COL24A1: variants seen among roughly 807,000 people sequenced by gnomAD.
COL24A1 encodes collagen alpha-1(XXIV) chain.
In COL24A1, 224 loss-of-function variants were observed where a neutral mutation model predicts 253.9. The ratio of observed to expected loss-of-function variants is 0.88; its 90% CI spans 0.79 to 0.99. The LOEUF (loss-of-function observed/expected upper bound fraction) is 0.99, where lower values mean the gene tolerates loss of function less well. Ranked by LOEUF, COL24A1 falls within the 50% of genes least tolerant of loss-of-function variation. The pLI, the probability that COL24A1 is intolerant of heterozygous loss-of-function variation, is 0.00. For missense variants in COL24A1, 2,131 were observed against 2,068.5 expected (o/e 1.03, Z -0.59); for synonymous variants, 685 against 673.7 (o/e 1.02, Z -0.26).
intron 14 of COL24A1, among the ~76,000 whole-genome samples, chr1:86,024,802 G>C (rs1377270689): frequency 6.6e-6 from 1 of 152,086 alleles, no homozygotes; most frequent in Non-Finnish European, 1.5e-5. Context: ...AGTAATCCAA[G>C]TAAGTATGGA....
At chr1:86,110,373 TTATC>T (rs904668128) in intron 5 of COL24A1, among the ~76,000 whole-genome samples, 1 of 152,026 alleles carries the variant, frequency 6.6e-6, no homozygotes, top group African/African-American at 2.4e-5. Flanking sequence ...TATCACACTG[TTATC>T]TATCATATTG....
chr1:86,118,033 T>TA (rs1706316558), intron 3 of COL24A1, among the ~76,000 whole-genome samples: 1 of 151,552 alleles, frequency 6.6e-6, no homozygotes, highest in African/African-American at 2.4e-5. Flanking sequence ...TTGGCAGTGA[T>TA]AGTAGTTAAC....
At chr1:86,061,087 T>C (rs905529190) in intron 8 of COL24A1, among the ~76,000 whole-genome samples, 3 of 151,988 alleles carry the variant, frequency 2.0e-5, no homozygotes, top group Non-Finnish European at 2.9e-5. Flanking sequence ...GGAGGATACT[T>C]AGCTAATAAG....
chr1:86,017,214 G>C lies in COL24A1; in HGVS notation c.2257-10C>G, dbSNP rs200474145. On this transcript the variant is annotated splice_polypyrimidine_tract_variant and intron_variant, in intron 18 of 59. Coordinates refer to ENST00000370571, the MANE Select transcript of COL24A1 (RefSeq NM_152890.7). Reference sequence around the variant, plus strand: ...GGTCACCTGTTTGGCCCTAAAATGGGGGGGGAGGATCAAAGTATAAACATA... The same window carrying C: ...GGTCACCTGTTTGGCCCTAAAATGGCGGGGGAGGATCAAAGTATAAACATA... 37 of 1,553,780 alleles carry C rather than the reference G, an allele frequency of 2.4e-5. No individual in the cohort carries two copies. The highest frequency in any genetic ancestry group is 5.7e-5 in the African/African-American group (4 of 69,668).
At chr1:85,840,330 A>AG (rs1289580722) in intron 42 of COL24A1, among the ~76,000 whole-genome samples, 1 of 152,178 alleles carries the variant, frequency 6.6e-6, no homozygotes, top group African/African-American at 2.4e-5. Flanking sequence ...TATTTAATAA[A>AG]GAAACTTACA....
chr1:85,872,837 T>C (rs1247444465), intron 35 of COL24A1, among the ~76,000 whole-genome samples: 2 of 151,968 alleles, frequency 1.3e-5, no homozygotes, highest in Non-Finnish European at 2.9e-5. Flanking sequence ...AATTGACAAA[T>C]GGGATCTAAT....
At chr1:86,116,402 A>G (rs1276543366) in intron 3 of COL24A1, among the ~76,000 whole-genome samples, 1 of 152,224 alleles carries the variant, frequency 6.6e-6, no homozygotes, top group East Asian at 1.9e-4. Flanking sequence ...CTGATTGCAC[A>G]TAAAATAAAG....
chr1:85,883,198 CATTTT>C (rs1324968312), intron 32 of COL24A1, among the ~76,000 whole-genome samples: 11 of 151,006 alleles, frequency 7.3e-5, no homozygotes, highest in African/African-American at 9.7e-5. Flanking sequence ...TTTGGCTTCT[CATTTT>C]ATTTTATTTT....
At chr1:86,026,349 CT>C (rs1441942499) in intron 14 of COL24A1, among the ~76,000 whole-genome samples, 3 of 152,170 alleles carry the variant, frequency 2.0e-5, no homozygotes, top group Non-Finnish European at 2.9e-5. Flanking sequence ...AAAATTTCAT[CT>C]GAATTGTAGT....
intron 47 of COL24A1, among the ~76,000 whole-genome samples, chr1:85,799,021 AT>A (rs1201303684): frequency 7.2e-5 from 11 of 152,128 alleles, no homozygotes; most frequent in Admixed American, 4.6e-4. Flanking sequence ...TGAAAACATC[AT>A]GGTAGACTCA....
intron 2 of COL24A1, among the ~76,000 whole-genome samples, chr1:86,130,699 C>A (rs908092944): frequency 4.0e-5 from 6 of 151,774 alleles, no homozygotes; most frequent in Non-Finnish European, 5.9e-5. Context: ...ATCTAATTTA[C>A]CAACTGTAAA....
chr1:85,867,745 G>A (rs1679957076), intron 37 of COL24A1, among the ~76,000 whole-genome samples: 1 of 151,816 alleles, frequency 6.6e-6, no homozygotes, highest in African/African-American at 2.4e-5. Flanking sequence ...CTCTCAGTCT[G>A]TCTCTCTCTC....
intron 13 of COL24A1, among the ~76,000 whole-genome samples, chr1:86,033,364 G>A (rs946243206): frequency 4.6e-5 from 7 of 151,892 alleles, no homozygotes; most frequent in Non-Finnish European, 8.8e-5. Flanking sequence ...TCTACCTAGC[G>A]CCAAAAAATA....
chr1:85,816,653 A>T (rs1673070961), intron 47 of COL24A1, 135 bp downstream of exon 47: 1 of 687,034 alleles, frequency 1.5e-6, no homozygotes, highest in Non-Finnish European at 2.6e-6. Flanking sequence ...ACAACTGCAT[A>T]ATAGCTATTA....
intron 28 of COL24A1, among the ~76,000 whole-genome samples, chr1:85,905,152 C>T (rs188687379): frequency 1.6e-4 from 25 of 152,236 alleles, no homozygotes; most frequent in South Asian, 1.4e-3. Flanking sequence ...TGCTATGACA[C>T]GTATTTTCCA....
At chr1:86,085,313 C>T (rs148830877) in intron 7 of COL24A1, among the ~76,000 whole-genome samples, 1 of 152,120 alleles carries the variant, frequency 6.6e-6, no homozygotes. Flanking sequence ...TGAACAAATT[C>T]TCTCAAAATA....
chr1:85,739,221 A>T (rs1664359500), intron 57 of COL24A1, among the ~76,000 whole-genome samples: 1 of 152,224 alleles, frequency 6.6e-6, no homozygotes, highest in South Asian at 2.1e-4. Context: ...TCTTCCAAGA[A>T]ATACTATCCT....
intron 24 of COL24A1, among the ~76,000 whole-genome samples, chr1:85,948,114 G>T (rs1342811443): frequency 1.3e-5 from 2 of 152,158 alleles, no homozygotes; most frequent in African/African-American, 4.8e-5. Context: ...GTAAGGGATA[G>T]ATCAAGTCTC....
intron 18 of COL24A1, among the ~76,000 whole-genome samples, chr1:86,019,247 C>T (rs1697266913): frequency 6.6e-6 from 1 of 152,038 alleles, no homozygotes; most frequent in African/African-American, 2.4e-5. Flanking sequence ...GGTCAAACAC[C>T]TACAGTTTTT....
Sources: gnomAD v4.1 joint callset for allele counts (sites outside exome capture counted in the v4.1 genomes callset) on GRCh38, gnomAD v4.1.1 for gene constraint, MANE v1.5 for transcripts, NCBI Gene and HGNC (gene_info 2026-07-23, HGNC 2026-07-21) for gene names.